The following XPO5 variants were observed in gnomAD, a reference collection of about 807,000 sequenced individuals.
XPO5 encodes the protein exportin 5, also known as exportin-5.
Under a neutral mutation model 160.6 loss-of-function variants are expected in XPO5, and 46 were observed. The observed-to-expected ratio is 0.29, with a 90% CI of 0.23 to 0.37. XPO5 has a LOEUF of 0.37. XPO5 is among the 10% of genes least tolerant of loss of function. The pLI, the probability that XPO5 is intolerant of heterozygous loss-of-function variation, is 1.00. For synonymous variants in XPO5, 537 were observed against 519.3 expected (o/e 1.03, Z -0.46); for missense variants, 1,090 against 1,463.9 (o/e 0.74, Z 4.17).
At chr6:43,570,752 A>G in intron 4 of XPO5, 68 bp from the exon 5 acceptor site, 1 of 1,527,588 alleles carries the variant, frequency 6.5e-7, no homozygotes, top group South Asian at 1.3e-5. Context: ...TCCAAAGGCT[A>G]TTTTCTGTTG....
chr6:43,573,820 TA>T (rs1307502836), intron 1 of XPO5, among the ~76,000 whole-genome samples: 7 of 117,922 alleles, frequency 5.9e-5, no homozygotes, highest in African/African-American at 2.5e-4. Flanking sequence ...TATATATATA[TA>T]TATTTTTTTT....
At chr6:43,556,765 C>T (rs1762111842) in intron 12 of XPO5, among the ~76,000 whole-genome samples, 1 of 152,074 alleles carries the variant, frequency 6.6e-6, no homozygotes, top group Non-Finnish European at 1.5e-5. Flanking sequence ...ATGGAAATAA[C>T]TCAAATGTCC....
chr6:43,530,092 TAAA>T (rs1477260555), intron 23 of XPO5, among the ~76,000 whole-genome samples: 4 of 151,952 alleles, frequency 2.6e-5, no homozygotes, highest in African/African-American at 9.7e-5. Context: ...CTGTCTCTAC[TAAA>T]AATACAAAAA....
rs59447550 is a variant in XPO5, at chr6:43,531,807, T to C, written c.2444-232A>G. On this transcript the variant is annotated intron_variant, in intron 21 of 31. Transcript: ENST00000265351. Reference sequence around the variant, plus strand: ...GTACTCTTTTATCTGCTTTTTTTTTTCCCCCAGATGGAACCTGTACCAAAA... The same window carrying C: ...GTACTCTTTTATCTGCTTTTTTTTTCCCCCCAGATGGAACCTGTACCAAAA... 0.16 allele frequency among the ~76,000 whole-genome samples: 23,625 copies of C among 151,430 alleles called. 3,569 individuals are homozygous for C. The highest frequency in any genetic ancestry group is 0.4 in the African/African-American group (16,460 of 40,964).
rs760071439 is a variant in XPO5 at position 43,524,647 on chromosome 6, A to AG, written c.3313-13dup. ...AGGTACCTGGGGCGCTGATATCAGCAGGGATAAACTTACTGGATGTAGGTT... is the reference window on the plus strand; with the variant it reads ...AGGTACCTGGGGCGCTGATATCAGCAGGGGATAAACTTACTGGATGTAGGTT... On this transcript the variant is annotated splice_polypyrimidine_tract_variant and intron_variant, in intron 30 of 31. Transcript: ENST00000265351. The AG allele has an allele frequency of 5.6e-6, 9 of 1,612,026 alleles. No homozygotes were observed. In the Admixed American group the frequency reaches 1.3e-4, roughly 24 times the overall value.
chr6:43,557,100 C>T lies in XPO5; in HGVS notation c.1313-1136G>A, dbSNP rs1214796409. On this transcript the variant is annotated intron_variant, in intron 12 of 31. Coordinates refer to ENST00000265351, the MANE Select transcript of XPO5 (RefSeq NM_020750.3). ...CCGAGAGTGTGTCATTGCACTCCAG[C>T]CTGGGCGACAGAGCAAGACTCCATC... 2.1e-5 allele frequency among the ~76,000 whole-genome samples: 3 copies of T among 144,792 alleles called. No individual in the cohort carries two copies. In the East Asian group the frequency reaches 6.0e-4, roughly 29 times the overall value. The allele number at this position is 144,792 out of a possible 152,430, so 95.0% of individuals were successfully genotyped here. A position where few individuals can be genotyped will look rare whatever the true frequency, so the allele number is the denominator to read the frequency against.
intron 16 of XPO5, 26 bp from the exon 17 acceptor site, chr6:43,549,604 G>A (rs142221367): frequency 1.8e-4 from 291 of 1,607,128 alleles, no homozygotes; most frequent in Non-Finnish European, 2.1e-4. Context: ...CAACAAACTC[G>A]GAGCTGCTTT....
At chr6:43,539,338 G>C (rs545544520) in intron 20 of XPO5, 1 of 1,578,412 alleles carries the variant, frequency 6.3e-7, no homozygotes, top group Non-Finnish European at 8.6e-7. Context: ...CCTTGAACCT[G>C]GTGCGCTGGC....
chr6:43,556,249 C>A, intron 12 of XPO5: 1 of 321,580 alleles, frequency 3.1e-6, no homozygotes, highest in South Asian at 3.9e-5. Context: ...CAGGATTGGG[C>A]ACAGTAGCTC....
intron 20 of XPO5, among the ~76,000 whole-genome samples, chr6:43,543,239 G>A (rs1319394111): frequency 1.3e-5 from 2 of 152,094 alleles, no homozygotes; most frequent in Non-Finnish European, 2.9e-5. Context: ...GATCTCTTGA[G>A]CCCATGAGTT....
chr6:43,571,063 C>A, intron 3 of XPO5, 69 bp from the exon 4 acceptor site: 1 of 1,512,230 alleles, frequency 6.6e-7, no homozygotes, highest in Non-Finnish European at 8.8e-7. Context: ...AAAAGCTGGG[C>A]TGTAGAGTTG....
intron 1 of XPO5, among the ~76,000 whole-genome samples, chr6:43,574,126 G>A (rs1433235859): frequency 6.6e-6 from 1 of 151,716 alleles, no homozygotes; most frequent in Non-Finnish European, 1.5e-5. Context: ...CACTGTGCCC[G>A]GCCCACTAAA....
chr6:43,541,702 CATA>C (rs1389292381), intron 20 of XPO5, among the ~76,000 whole-genome samples: 25 of 152,182 alleles, frequency 1.6e-4, no homozygotes, highest in South Asian at 2.1e-4. Flanking sequence ...TTTCACTTAG[CATA>C]ATGTTTTGAA....
At position 43,561,006 on chromosome 6, in the gene XPO5, C is replaced by G. The variant is rs1561882891; in HGVS notation, c.1013G>C (p.Gly338Ala). 5 of 1,613,152 alleles carry G rather than the reference C, an allele frequency of 3.1e-6. No homozygotes were observed. The change falls in exon 10 of 32, where the codon GGT becomes GCT. Residue 338 changes from glycine (G) to alanine (A), a missense_variant and splice_region_variant. Physicochemically the swap from Gly to Ala is moderately conservative, Grantham distance 60 (BLOSUM62 0). This residue lies in a region of XPO5 where 810 missense variants were observed against 1,139.0 expected (regional missense o/e 0.71). Transcript: ENST00000265351. ...ALGNQLCALL[G>A]ADSDVETPSN... ...TGGTGTTTCTACATCAGAATCTGCA[C>G]CCTGTAGGAGAAGACCACTATATTA... is the stretch of plus-strand genomic sequence containing the variant.
At position 43,547,808 on chromosome 6, in the gene XPO5, CA is replaced by C; in HGVS notation, c.2061-102del. ...GCTATCATTATTTGGCCCTTAAGAG[CA>C]GTTTTTATAGTGAGAGGAGTATAAT... On this transcript the variant is annotated intron_variant, in intron 18 of 31. Coordinates refer to ENST00000265351, the MANE Select transcript of XPO5 (RefSeq NM_020750.3). 5 of 971,126 alleles carry C rather than the reference CA, an allele frequency of 5.1e-6. No homozygotes were observed. In the South Asian group the frequency reaches 7.2e-5, roughly 14 times the overall value. 60.2% of individuals were successfully genotyped at this position (971,126 alleles called of 1,614,324 possible).
intron 20 of XPO5, chr6:43,539,664 G>T: frequency 9.2e-7 from 1 of 1,085,134 alleles, no homozygotes; most frequent in Non-Finnish European, 1.3e-6. Context: ...GGGCCACCAG[G>T]GCCTCCAGGC....
chr6:43,572,161 T>C (rs1763042056), intron 3 of XPO5, among the ~76,000 whole-genome samples: 1 of 152,230 alleles, frequency 6.6e-6, no homozygotes, highest in Non-Finnish European at 1.5e-5. Context: ...CACTGCAGCC[T>C]GGACCTCCTG....
At chr6:43,575,610 G>C (rs1763274454) in intron 1 of XPO5, 150 bp downstream of exon 1, 1 of 652,030 alleles carries the variant, frequency 1.5e-6, no homozygotes, top group Non-Finnish European at 2.6e-6. Flanking sequence ...GAGAGGCGCG[G>C]AGGGCCGCGA....
intron 15 of XPO5, 94 bp downstream of exon 15, chr6:43,551,204 A>C (rs1271924702): frequency 7.6e-7 from 1 of 1,312,472 alleles, no homozygotes; most frequent in Non-Finnish European, 1.0e-6. Context: ...CAGCCTGGGC[A>C]ATGTAGCAAG....
Sources: gnomAD v4.1 joint callset for allele counts (sites outside exome capture counted in the v4.1 genomes callset) on GRCh38, gnomAD v4.1.1 for gene constraint, gnomAD v4.1.1 regional missense constraint, MANE v1.5 for transcripts, NCBI Gene and HGNC (gene_info 2026-07-23, HGNC 2026-07-21) for gene names.